RAD51AP2: variants seen among roughly 807,000 people sequenced by gnomAD.
The protein encoded by RAD51AP2 is RAD51-associated protein 2.
Under a neutral mutation model 85.5 loss-of-function variants are expected in RAD51AP2, and 67 were observed. That is an observed-to-expected ratio of 0.78 (90% CI 0.64 to 0.96). RAD51AP2 has a LOEUF of 0.96. RAD51AP2 is among the 40% of genes least tolerant of loss of function. The pLI is 0.00. For missense variants in RAD51AP2, 1,307 were observed against 1,332.4 expected (o/e 0.98, Z 0.30); for synonymous variants, 474 against 446.5 (o/e 1.06, Z -0.78).
upstream of RAD51AP2, among the ~76,000 whole-genome samples, chr2:17,519,582 A>G (rs1253968190): frequency 1.3e-5 from 2 of 152,176 alleles, no homozygotes; most frequent in East Asian, 3.8e-4. Flanking sequence ...ACTTTAGGTA[A>G]TAAGATGTTC....
the RAD51AP2 span, among the ~76,000 whole-genome samples, chr2:17,537,368 G>A: frequency 1.1e-4 from 17 of 152,222 alleles, no homozygotes; most frequent in South Asian, 1.5e-3. Context: ...ATTATCTTAC[G>A]TAACACACCT....
chr2:17,514,835 G>T (rs1265004911), intron 1 of RAD51AP2, among the ~76,000 whole-genome samples: 1 of 151,832 alleles, frequency 6.6e-6, no homozygotes, highest in Non-Finnish European at 1.5e-5. Context: ...AGCAAAGGCA[G>T]TCTGAGCCCT....
upstream of RAD51AP2, among the ~76,000 whole-genome samples, chr2:17,521,084 A>G (rs373250345): frequency 7.2e-4 from 110 of 152,238 alleles, 3 homozygotes; most frequent in South Asian, 0.021. Flanking sequence ...ACAAGGATTT[A>G]TTAATTTTTG....
Position 17,514,112 on chromosome 2 carries a change from T to C in RAD51AP2, c.3248-20A>G, listed in dbSNP as rs762998107. ...CACAATCTGAAAATAAAGAGTGATATGTTACAGCAAAAAGTAACTTTTATA... is the reference window on the plus strand; with the variant it reads ...CACAATCTGAAAATAAAGAGTGATACGTTACAGCAAAAAGTAACTTTTATA... On this transcript the variant is annotated intron_variant, in intron 1 of 2. Coordinates refer to ENST00000399080, the MANE Select transcript of RAD51AP2 (RefSeq NM_001099218.3). 31 of 1,368,200 alleles carry C rather than the reference T, an allele frequency of 2.3e-5. 1 individual carries two copies. The South Asian group carries it at 3.3e-4, about 15-fold the overall frequency. The allele number at this position is 1,368,200 out of a possible 1,614,324, so 84.8% of individuals were successfully genotyped here.
At chr2:17,525,218 T>C in the RAD51AP2 span, among the ~76,000 whole-genome samples, 1 of 152,162 alleles carries the variant, frequency 6.6e-6, no homozygotes, top group East Asian at 1.9e-4. Context: ...CTATCCTGAA[T>C]GTAGTATGTA....
chr2:17,512,113 G>C (rs768200146), intron 2 of RAD51AP2, among the ~76,000 whole-genome samples: 2 of 152,134 alleles, frequency 1.3e-5, no homozygotes, highest in South Asian at 4.2e-4. Flanking sequence ...ACACCACAGA[G>C]AGAAGAGAGA....
At chr2:17,522,585 TACTC>T (rs1464541948), upstream of RAD51AP2, among the ~76,000 whole-genome samples, 4 of 152,046 alleles carry the variant, frequency 2.6e-5, no homozygotes, top group African/African-American at 4.8e-5. Flanking sequence ...ATCCATTTGA[TACTC>T]TAATAAATTT....
At position 17,517,916 on chromosome 2, in the gene RAD51AP2, A is replaced by C. The variant is rs538104375; in HGVS notation, c.500T>G (p.Ile167Arg). The C allele has an allele frequency of 6.2e-7, 1 of 1,614,092 alleles. No individual in the cohort carries two copies. The highest frequency in any genetic ancestry group is 1.1e-5 in the South Asian group (1 of 91,074). The stretch of plus-strand genomic sequence containing the variant: ...TCGATTCTCATTTCTAATTCCATGT[A>C]TATCGTGTATAGAGGTGCTGGGCAG... ...QLLPSTSIHDIHGIRNENRKQ... is the reference protein window; with the variant it reads ...QLLPSTSIHDRHGIRNENRKQ... Residue 167 changes from isoleucine (I) to arginine (R), a missense_variant, in exon 1 of 3, where the codon ATA (isoleucine) becomes AGA (arginine). By Grantham distance (97) the Ile-to-Arg change is moderately conservative (BLOSUM62 -3). Transcript: ENST00000399080.
At chr2:17,521,860 C>T (rs971521650), upstream of RAD51AP2, among the ~76,000 whole-genome samples, 9 of 151,950 alleles carry the variant, frequency 5.9e-5, no homozygotes, top group Admixed American at 5.9e-4. Flanking sequence ...TTATCCTTAA[C>T]TTTTTCTCTT....
At chr2:17,524,620 A>T in the RAD51AP2 span, among the ~76,000 whole-genome samples, 206 of 152,064 alleles carry the variant, frequency 1.4e-3, 1 homozygote, top group African/African-American at 4.8e-3. Context: ...TCTATTGCAT[A>T]CTTATAAAAT....
At chr2:17,533,843 A>G in the RAD51AP2 span, among the ~76,000 whole-genome samples, 1 of 152,184 alleles carries the variant, frequency 6.6e-6, no homozygotes, top group African/African-American at 2.4e-5. Context: ...TGAGGCCAGA[A>G]GTTTGAGGCT....
chr2:17,518,510 C>T, upstream of RAD51AP2: 2 of 1,457,616 alleles, frequency 1.4e-6, no homozygotes, highest in South Asian at 1.4e-5. Context: ...CTGACCCGCC[C>T]CTCAAGACCT....
At chr2:17,518,443 G>C, upstream of RAD51AP2, 1 of 1,590,168 alleles carries the variant, frequency 6.3e-7, no homozygotes, top group Non-Finnish European at 8.5e-7. Flanking sequence ...ATCTGTCCGA[G>C]TCCCGGCGGG....
upstream of RAD51AP2, among the ~76,000 whole-genome samples, chr2:17,521,319 G>A (rs1315869800): frequency 6.6e-6 from 1 of 152,080 alleles, no homozygotes; most frequent in Non-Finnish European, 1.5e-5. Flanking sequence ...CACCATAGGA[G>A]TTCAAAATGG....
the RAD51AP2 span, among the ~76,000 whole-genome samples, chr2:17,531,030 G>A: frequency 6.6e-6 from 1 of 152,200 alleles, no homozygotes; most frequent in Admixed American, 6.5e-5. Context: ...TCTTTGGGCT[G>A]TATCTATTTG....
chr2:17,512,503 G>A (rs1479387962), intron 2 of RAD51AP2, among the ~76,000 whole-genome samples: 2 of 152,096 alleles, frequency 1.3e-5, no homozygotes, highest in African/African-American at 4.8e-5. Flanking sequence ...AACTTGTGAA[G>A]GCAGAATCAC....
Position 17,514,105 on chromosome 2 carries a change from A to T in RAD51AP2, c.3248-13T>A. The T allele has an allele frequency of 6.9e-7, 1 of 1,459,160 alleles. No homozygotes were observed. The highest frequency in any genetic ancestry group is 9.5e-7 in the Non-Finnish European group (1 of 1,047,798). The allele number at this position is 1,459,160 out of a possible 1,614,324, so 90.4% of individuals were successfully genotyped here. A position where few individuals can be genotyped will look rare whatever the true frequency, so the allele number is the denominator to read the frequency against. On this transcript the variant is annotated splice_polypyrimidine_tract_variant and intron_variant, in intron 1 of 2. Transcript: ENST00000399080. ...GGTGTTTCACAATCTGAAAATAAAG[A>T]GTGATATGTTACAGCAAAAAGTAAC...
chr2:17,527,594 T>C, the RAD51AP2 span, among the ~76,000 whole-genome samples: 2 of 152,120 alleles, frequency 1.3e-5, no homozygotes, highest in African/African-American at 2.4e-5. Context: ...AGGAATAATA[T>C]ATTTTAGAAA....
chr2:17,531,369 CT>C, the RAD51AP2 span, among the ~76,000 whole-genome samples: 2 of 152,040 alleles, frequency 1.3e-5, no homozygotes, highest in Non-Finnish European at 2.9e-5. Context: ...GTTATTTAGT[CT>C]TATTTTTCAA....
Sources: gnomAD v4.1 joint callset for allele counts (sites outside exome capture counted in the v4.1 genomes callset) on GRCh38, gnomAD v4.1.1 for gene constraint, MANE v1.5 for transcripts, NCBI Gene and HGNC (gene_info 2026-07-23, HGNC 2026-07-21) for gene names.